AKAP3: variants seen among roughly 807,000 people sequenced by gnomAD.
AKAP3 encodes the protein A-kinase anchoring protein 3, also known as A-kinase anchor protein 3.
A neutral mutation model predicts 57.2 loss-of-function variants in AKAP3; 27 were observed. That is an observed-to-expected ratio of 0.47 (90% CI 0.35 to 0.65). The LOEUF (loss-of-function observed/expected upper bound fraction) is 0.65, where lower values mean the gene tolerates loss of function less well. Ranked by LOEUF, AKAP3 falls within the 30% of genes least tolerant of loss-of-function variation. AKAP3 has a pLI of 0.01. For synonymous variants in AKAP3, 334 were observed against 392.3 expected, an observed-to-expected ratio of 0.85 and a Z score of 1.76; for missense variants, 959 against 1,040.0, an observed-to-expected ratio of 0.92 and a Z score of 1.07.
At position 4,626,756 on chromosome 12, in the gene AKAP3, C is replaced by T; in HGVS notation, c.2146G>A (p.Glu716Lys). The change falls in exon 5 of 6, where the codon GAG becomes AAG. Residue 716 changes from glutamate (E) to lysine (K), a missense_variant. Glu to Lys is a moderately conservative substitution (Grantham distance 56, BLOSUM62 1). Coordinates refer to ENST00000228850, the MANE Select transcript of AKAP3 (RefSeq NM_001278309.2). ...LTSAFPDSLY[E>K]CLPAKGTGSA... The stretch of plus-strand genomic sequence containing the variant: ...CCTGTGCCCTTGGCTGGTAAGCACT[C>T]ATATAAACTATCTGGGAAGGCCGAA... The T allele has an allele frequency of 6.2e-7, 1 of 1,613,342 alleles. No homozygotes were observed. Among genetic ancestry groups the T allele is most frequent in the East Asian group, 2.2e-5 (1 of 44,892 alleles).
intron 5 of AKAP3, among the ~76,000 whole-genome samples, chr12:4,620,001 T>C (rs903226565): frequency 6.6e-5 from 10 of 152,228 alleles, no homozygotes; most frequent in Non-Finnish European, 1.5e-4. Flanking sequence ...TGCCCATGGA[T>C]AGGGGATGAA....
At chr12:4,617,029 A>T (rs1945293370) in intron 5 of AKAP3, among the ~76,000 whole-genome samples, 1 of 152,180 alleles carries the variant, frequency 6.6e-6, no homozygotes. Flanking sequence ...ATTAACTCCA[A>T]GACCTACCAT....
chr12:4,645,871 GC>G (rs894086336), intron 1 of AKAP3: 1 of 152,124 alleles, frequency 6.6e-6, no homozygotes, highest in Non-Finnish European at 1.5e-5. Flanking sequence ...ACTTAAAGCA[GC>G]AGAGTAAGTA....
intron 3 of AKAP3, among the ~76,000 whole-genome samples, chr12:4,640,488 G>C (rs942287845): frequency 6.6e-6 from 1 of 152,150 alleles, no homozygotes; most frequent in Non-Finnish European, 1.5e-5. Flanking sequence ...TGTGGTGAGG[G>C]TAGACGTCCT....
At position 4,635,630 on chromosome 12, in the gene AKAP3, C is replaced by T. The variant is rs12307444; in HGVS notation, c.96+2471G>A. On this transcript the variant is annotated intron_variant, in intron 4 of 5. Transcript: ENST00000228850. The stretch of plus-strand genomic sequence containing the variant: ...TATTACAATATCAGGACATGCTTGC[C>T]TCTGAAGTTCTTTAACCCAATTTTT... 2,675 of 779,650 alleles carry T rather than the reference C, an allele frequency of 3.4e-3. 16 individuals are homozygous for T. Among genetic ancestry groups the T allele is most frequent in the African/African-American group, 0.021 (1,230 of 58,272 alleles). The allele number at this position is 779,650 out of a possible 1,614,324, so 48.3% of individuals were successfully genotyped here.
chr12:4,631,270 G>A (rs573074858), intron 4 of AKAP3: 170 of 696,684 alleles, frequency 2.4e-4, no homozygotes, highest in African/African-American at 2.3e-3. Flanking sequence ...TTCTCTGCTG[G>A]GTGTGAGGCA....
Position 4,627,819 on chromosome 12 carries a change from AG to A in AKAP3, c.1082del (p.Thr361MetfsTer18), listed in dbSNP as rs1945441341. 1 of 1,614,036 alleles carries A rather than the reference AG, an allele frequency of 6.2e-7. No homozygotes were observed. The highest frequency in any genetic ancestry group is 1.7e-5 in the Admixed American group (1 of 60,004). On this transcript the variant is annotated frameshift_variant, in exon 5 of 6. Transcript: ENST00000228850. LOFTEE classifies it high-confidence loss of function. ...DTQFVSAVKRTVFSHGSQKAT... is the reference protein window; with the variant it reads ...DTQFVSAVKRXVFSHGSQKAT... ...CCTTTTGGCTTCCATGAGAGAAGACAGTTCTTTTCACAGCCGAGACAAACTG... is the reference window on the plus strand; with the variant it reads ...CCTTTTGGCTTCCATGAGAGAAGACATTCTTTTCACAGCCGAGACAAACTG...
chr12:4,635,227 TGACTC>T lies in AKAP3; in HGVS notation c.96+2869_96+2873del, dbSNP rs145955576. 1,263 of 267,122 alleles carry T rather than the reference TGACTC, an allele frequency of 4.7e-3. 15 individuals carry two copies. Among genetic ancestry groups the T allele is most frequent in the African/African-American group, 0.026 (1,162 of 43,906 alleles). 16.5% of individuals were successfully genotyped at this position (267,122 alleles called of 1,614,324 possible). ...TTAAAATAATTCTGCATTAGAAACTTGACTCTATCATAAGTCTCTTTTGGAAGTCA... is the reference window on the plus strand; with the variant it reads ...TTAAAATAATTCTGCATTAGAAACTTTATCATAAGTCTCTTTTGGAAGTCA... On this transcript the variant is annotated intron_variant, in intron 4 of 5. Coordinates refer to ENST00000228850, the MANE Select transcript of AKAP3 (RefSeq NM_001278309.2).
At chr12:4,648,274 A>C (rs1159501387) in intron 1 of AKAP3, among the ~76,000 whole-genome samples, 1 of 152,234 alleles carries the variant, frequency 6.6e-6, no homozygotes, top group Non-Finnish European at 1.5e-5. Flanking sequence ...CTCCTTAGAC[A>C]GATGTTCAGA....
intron 5 of AKAP3, among the ~76,000 whole-genome samples, chr12:4,617,490 C>T (rs1436374582): frequency 1.3e-5 from 2 of 152,210 alleles, no homozygotes; most frequent in Non-Finnish European, 2.9e-5. Context: ...CAGTGGCTCA[C>T]GCCTGTAATC....
chr12:4,631,553 T>C (rs577852223), intron 4 of AKAP3, among the ~76,000 whole-genome samples: 148 of 152,254 alleles, frequency 9.7e-4, no homozygotes, highest in Middle Eastern at 3.4e-3. Context: ...TGTTATACTA[T>C]GAAGTCTCTT....
chr12:4,626,779 G>A lies in AKAP3; in HGVS notation c.2123C>T (p.Ser708Leu), dbSNP rs752698954. Residue 708 changes from serine to leucine, a missense_variant, in exon 5 of 6, where the codon TCG becomes TTG. Transcript: ENST00000228850. ...DKSGDASRLT[S>L]AFPDSLYECL... Reference sequence around the variant, plus strand: ...CTCATATAAACTATCTGGGAAGGCCGAAGTTAGCCTACTGGCATCTCCAGA... The same window carrying A: ...CTCATATAAACTATCTGGGAAGGCCAAAGTTAGCCTACTGGCATCTCCAGA... The A allele has an allele frequency of 1.8e-5, 29 of 1,611,962 alleles. No homozygotes were observed. Among genetic ancestry groups the A allele is most frequent in the Admixed American group, 1.7e-4 (10 of 59,738 alleles).
At chr12:4,626,210 T>C (rs1945409896) in intron 5 of AKAP3, among the ~76,000 whole-genome samples, 1 of 152,208 alleles carries the variant, frequency 6.6e-6, no homozygotes, top group Non-Finnish European at 1.5e-5. Context: ...TTAATCTGAT[T>C]CTTTCACTAG....
At chr12:4,645,848 G>A (rs1456651828) in intron 1 of AKAP3, 2 of 152,106 alleles carry the variant, frequency 1.3e-5, no homozygotes, top group Admixed American at 6.5e-5. Context: ...GGGACATTTT[G>A]CCAATGGATT....
At chr12:4,622,548 A>G (rs1945359424) in intron 5 of AKAP3, among the ~76,000 whole-genome samples, 1 of 152,190 alleles carries the variant, frequency 6.6e-6, no homozygotes, top group East Asian at 1.9e-4. Flanking sequence ...CCCTAATTCA[A>G]TAGGTGCTGG....
chr12:4,642,859 C>T (rs1391857065), intron 2 of AKAP3, among the ~76,000 whole-genome samples: 1 of 152,122 alleles, frequency 6.6e-6, no homozygotes, highest in African/African-American at 2.4e-5. Context: ...TGAATATGCA[C>T]CACCTGCCCA....
intron 5 of AKAP3, 45 bp from the exon 6 acceptor site, chr12:4,615,939 T>A (rs1306242645): frequency 1.9e-6 from 3 of 1,610,740 alleles, no homozygotes; most frequent in Non-Finnish European, 8.5e-7. Flanking sequence ...CAGCATCTCA[T>A]GGCAGGCCAG....
chr12:4,640,558 T>C (rs79181739), intron 3 of AKAP3, among the ~76,000 whole-genome samples: 2,654 of 152,332 alleles, frequency 0.017, 80 homozygotes, highest in South Asian at 0.11. Context: ...GAAACTTATA[T>C]AAGTGGATAT....
chr12:4,638,472 G>A (rs538595061), intron 3 of AKAP3, among the ~76,000 whole-genome samples: 60 of 152,064 alleles, frequency 3.9e-4, no homozygotes, highest in Non-Finnish European at 6.3e-4. Flanking sequence ...TTAAATGAAT[G>A]AACCTAGGCA....
Sources: gnomAD v4.1 joint callset for allele counts (sites outside exome capture counted in the v4.1 genomes callset) on GRCh38, gnomAD v4.1.1 for gene constraint, MANE v1.5 for transcripts, NCBI Gene and HGNC (gene_info 2026-07-23, HGNC 2026-07-21) for gene names.